The following COL12A1 variants were observed in gnomAD, a reference collection of about 807,000 sequenced individuals.
The protein encoded by COL12A1 is collagen alpha-1(XII) chain.
COL12A1 carries 114 observed loss-of-function variants against 349.7 expected under a neutral mutation model. The observed-to-expected ratio is 0.33, with a 90% CI of 0.28 to 0.38. The LOEUF is 0.38. Among genes scored for constraint, COL12A1 ranks in the 10% least tolerant of loss-of-function variants. The probability of loss-of-function intolerance (pLI) is 1.00; values close to 1 mark genes in which losing one functional copy is unlikely to be tolerated. For missense variants in COL12A1, 3,284 were observed against 3,756.9 expected, an observed-to-expected ratio of 0.87 and a Z score of 3.29; for synonymous variants, 1,369 against 1,329.0, an observed-to-expected ratio of 1.03 and a Z score of -0.66.
chr6:75,114,160 C>G (rs1168070284), intron 49 of COL12A1, among the ~76,000 whole-genome samples: 2 of 151,714 alleles, frequency 1.3e-5, no homozygotes, highest in African/African-American at 4.8e-5. Flanking sequence ...ATGAATCTTA[C>G]TAAATATACT....
At chr6:75,129,792 C>T (rs1766212157) in intron 37 of COL12A1, among the ~76,000 whole-genome samples, 1 of 152,138 alleles carries the variant, frequency 6.6e-6, no homozygotes, top group African/African-American at 2.4e-5. Context: ...TTTCACTAAA[C>T]TTGGTTCCTG....
intron 46 of COL12A1, among the ~76,000 whole-genome samples, chr6:75,118,348 C>A (rs1382412499): frequency 1.3e-5 from 2 of 152,126 alleles, no homozygotes; most frequent in African/African-American, 4.8e-5. Context: ...AAGAATCATG[C>A]ATGTACAGAT....
Position 75,123,418 on chromosome 6 carries a change from A to G in COL12A1, c.6872-14T>C. ...TTGGTTTCACAGCTAAAATTTAAAA[A>G]TAATAATTATAAAAACACACCATGT... On this transcript the variant is annotated splice_polypyrimidine_tract_variant and intron_variant, in intron 42 of 65. Coordinates refer to ENST00000322507, the MANE Select transcript of COL12A1 (RefSeq NM_004370.6). 1 of 1,536,412 alleles carries G rather than the reference A, an allele frequency of 6.5e-7. No individual in the cohort carries two copies. The highest frequency in any genetic ancestry group is 8.8e-7 in the Non-Finnish European group (1 of 1,138,426).
intron 1 of COL12A1, among the ~76,000 whole-genome samples, chr6:75,205,057 C>T (rs1428493514): frequency 6.6e-6 from 1 of 151,862 alleles, no homozygotes; most frequent in African/African-American, 2.4e-5. Context: ...GCTTTCTGAT[C>T]CCCACAAGTC....
At chr6:75,128,190 G>A in intron 38 of COL12A1, 106 bp downstream of exon 38, 1 of 930,646 alleles carries the variant, frequency 1.1e-6, no homozygotes, top group South Asian at 3.0e-5. Flanking sequence ...TGGTATTTGA[G>A]ATGTATTGGT....
Position 75,194,940 on chromosome 6 carries a change from T to C in COL12A1, c.81A>G (p.Pro27=). ...LLSSIEAEVD[P]PSDLNFKIID... is the part of the protein sequence containing the mutation. ...TAATTTTAAAATTCAAGTCTGAAGG[T>C]GGGTCAACTGCAAAAGAGAGAGTTT... The change falls in exon 3 of 66, where the codon CCA becomes CCG. Residue 27 remains proline, a synonymous_variant. Transcript: ENST00000322507. 1.3e-6 allele frequency: 2 copies of C among 1,575,394 alleles called. No individual in the cohort carries two copies. The highest frequency in any genetic ancestry group is 1.7e-6 in the Non-Finnish European group (2 of 1,150,812).
intron 2 of COL12A1, among the ~76,000 whole-genome samples, chr6:75,196,107 C>G (rs537788504): frequency 2.1e-4 from 32 of 152,300 alleles, no homozygotes; most frequent in African/African-American, 7.2e-4. Flanking sequence ...TAATGATATT[C>G]TCTCTACAAT....
At position 75,194,870 on chromosome 6, in the gene COL12A1, G is replaced by T. The variant is rs759069026; in HGVS notation, c.151C>A (p.Pro51Thr). 1 of 1,612,048 alleles carries T rather than the reference G, an allele frequency of 6.2e-7. No homozygotes were observed. The highest frequency in any genetic ancestry group is 1.7e-5 in the Admixed American group (1 of 59,836). The change falls in exon 3 of 66, where the codon CCA (proline) becomes ACA (threonine). Residue 51 changes from proline to threonine, a missense_variant. Coordinates refer to ENST00000322507, the MANE Select transcript of COL12A1 (RefSeq NM_004370.6). ...VHMSWAKPVDPIVGYRITVDP... is the reference protein window; with the variant it reads ...VHMSWAKPVDTIVGYRITVDP... ...ACCGTTATTCTGTAACCCACAATTG[G>T]ATCAACTGGTTTTGCCCATGACATA...
chr6:75,183,645 T>C lies in COL12A1; in HGVS notation c.1296A>G (p.Ser432=), dbSNP rs548958930. 111 of 1,601,350 alleles carry C rather than the reference T, an allele frequency of 6.9e-5. 1 individual carries two copies. Among genetic ancestry groups the C allele is most frequent in the South Asian group, 3.3e-4 (29 of 88,072 alleles). ...TATCGGCTTTTATATCCACACCACG[T>C]GAGCATTCTGTAAAGAGAAAAAAAG... ...TQPMKVQVEC[S]RGVDIKADIV... Residue 432 remains serine (S), a synonymous_variant, in exon 10 of 66, where the codon TCA becomes TCG. Coordinates refer to ENST00000322507, the MANE Select transcript of COL12A1 (RefSeq NM_004370.6).
intron 35 of COL12A1, 150 bp downstream of exon 35, chr6:75,131,790 T>C: frequency 2.3e-6 from 2 of 856,726 alleles, no homozygotes; most frequent in Non-Finnish European, 3.4e-6. Context: ...ACCCTATAAT[T>C]AATACACCTA....
intron 40 of COL12A1, among the ~76,000 whole-genome samples, chr6:75,124,854 A>G (rs990547901): frequency 1.8e-4 from 28 of 152,194 alleles, no homozygotes; most frequent in African/African-American, 6.5e-4. Context: ...TCATTCATGG[A>G]TAAAATGACA....
At position 75,165,576 on chromosome 6, in the gene COL12A1, T is replaced by C. The variant is rs1768252416; in HGVS notation, c.2914A>G (p.Arg972Gly). The change falls in exon 14 of 66, where the codon AGA becomes GGA. Residue 972 changes from arginine to glycine, a missense_variant. By Grantham distance (125) the Arg-to-Gly change is moderately radical. This residue lies in a region of COL12A1 where 2,601 missense variants were observed against 2,824.8 expected (regional missense o/e 0.92). Transcript: ENST00000322507. ...CTGTAAGTGGCAAATACTGAAATTCTGTATTTGGTCTCTGGCTGCAGATTT... is the reference window on the plus strand; with the variant it reads ...CTGTAAGTGGCAAATACTGAAATTCCGTATTTGGTCTCTGGCTGCAGATTT... ...IENLQPETKY[R>G]ISVFATYSSG... 1 of 1,613,974 alleles carries C rather than the reference T, an allele frequency of 6.2e-7. No individual in the cohort carries two copies. The highest frequency in any genetic ancestry group is 8.5e-7 in the Non-Finnish European group (1 of 1,179,872).
chr6:75,093,234 T>A (rs1445003982), intron 60 of COL12A1, among the ~76,000 whole-genome samples: 1 of 152,222 alleles, frequency 6.6e-6, no homozygotes, highest in Non-Finnish European at 1.5e-5. Flanking sequence ...TTGTTTGCTG[T>A]TATATCACCT....
rs747001776 is a variant in COL12A1 at position 75,130,229 on chromosome 6, T to C, written c.6072A>G (p.Pro2024=). The part of the protein sequence containing the change: ...NPSPAQGRTL[P]RSGPRNLRVF... ...CTCTCAGGTTCCTTGGTCCACTGCGTGGTACTAAATAAATAAAATACAATA... is the reference window on the plus strand; with the variant it reads ...CTCTCAGGTTCCTTGGTCCACTGCGCGGTACTAAATAAATAAAATACAATA... Residue 2024 remains proline, a synonymous_variant, in exon 37 of 66, where the codon CCA becomes CCG. Coordinates refer to ENST00000322507, the MANE Select transcript of COL12A1 (RefSeq NM_004370.6). 1.2e-5 allele frequency: 19 copies of C among 1,612,666 alleles called. No individual in the cohort carries two copies. The highest frequency in any genetic ancestry group is 1.7e-5 in the Admixed American group (1 of 59,604).
rs760640025 is a variant in COL12A1, at chr6:75,146,217, A to G, written c.4445T>C (p.Ile1482Thr). The G allele has an allele frequency of 6.8e-6, 11 of 1,610,634 alleles. No individual in the cohort carries two copies. In the Admixed American group the frequency reaches 1.7e-4, roughly 25 times the overall value. ...CATGGTGGTAGGGCCAACATCATAAATATTCAGGCTGACTACAGGCACTGG... is the reference window on the plus strand; with the variant it reads ...CATGGTGGTAGGGCCAACATCATAAGTATTCAGGCTGACTACAGGCACTGG... ...TLPVPVVSLN[I>T]YDVGPTTMHV... is the part of the protein sequence containing the mutation. Residue 1482 changes from isoleucine to threonine, a missense_variant, in exon 24 of 66, where the codon ATT (isoleucine) becomes ACT (threonine). Physicochemically the swap from Ile to Thr is moderately conservative, Grantham distance 89 (BLOSUM62 -1). Coordinates refer to ENST00000322507, the MANE Select transcript of COL12A1 (RefSeq NM_004370.6).
intron 34 of COL12A1, among the ~76,000 whole-genome samples, chr6:75,132,591 AC>A (rs1288463260): frequency 2.0e-5 from 3 of 152,198 alleles, no homozygotes; most frequent in Non-Finnish European, 4.4e-5. Context: ...AATAAGATAT[AC>A]CCAGTTCTTA....
chr6:75,123,897 CATTCT>C (rs1319261451), intron 42 of COL12A1, 46 bp downstream of exon 42: 1 of 1,552,132 alleles, frequency 6.4e-7, no homozygotes, highest in Non-Finnish European at 8.7e-7. Flanking sequence ...TTACCTAGAG[CATTCT>C]ATTCTAAAGC....
In COL12A1 at chr6:75,119,115, C is replaced by A. The variant is rs1233148302; in HGVS notation, c.7282G>T (p.Val2428Leu). Residue 2428 changes from valine to leucine, a missense_variant, in exon 46 of 66, where the codon GTG becomes TTG. Physicochemically the swap from Val to Leu is conservative, Grantham distance 32 (BLOSUM62 1). Around this residue, in one of 2 missense-constraint regions of COL12A1, gnomAD observed 683 missense variants for 932.1 expected, o/e 0.73. Coordinates refer to ENST00000322507, the MANE Select transcript of COL12A1 (RefSeq NM_004370.6). ...CGACCGTCCGTGACCACAACCAACA[C>A]CTTAGGGACATTCTTCCTCATGCCG... Reference protein sequence around the residue: ...ESGMRKNVPKVLVVVTDGRSQ... With the variant: ...ESGMRKNVPKLLVVVTDGRSQ... The A allele has an allele frequency of 6.2e-7, 1 of 1,613,898 alleles. No individual in the cohort carries two copies. Among genetic ancestry groups the A allele is most frequent in the Non-Finnish European group, 8.5e-7 (1 of 1,179,938 alleles).
rs573156761 is a variant in COL12A1 at position 75,106,903 on chromosome 6, T to C, written c.8101-407A>G. Among the ~76,000 whole-genome samples the C allele has an allele frequency of 4.6e-3, 646 of 141,744 alleles. 2 individuals carry two copies. The highest frequency in any genetic ancestry group is 0.015 in the African/African-American group (580 of 38,426). The allele number at this position is 141,744 out of a possible 152,430, so 93.0% of individuals were successfully genotyped here. A position where few individuals can be genotyped will look rare whatever the true frequency, so the allele number is the denominator to read the frequency against. On this transcript the variant is annotated intron_variant, in intron 52 of 65. Coordinates refer to ENST00000322507, the MANE Select transcript of COL12A1 (RefSeq NM_004370.6). ...TTTTTTTTCTTTTTTCTTTTTCTTTTTTTTTTTTTTTTTTTTGAGACAGAG... is the reference window on the plus strand; with the variant it reads ...TTTTTTTTCTTTTTTCTTTTTCTTTCTTTTTTTTTTTTTTTTGAGACAGAG...
Sources: allele counts gnomAD v4.1 joint callset (sites outside exome capture counted in the v4.1 genomes callset), GRCh38; gene constraint gnomAD v4.1.1; regional missense constraint gnomAD v4.1.1; transcripts MANE v1.5; gene names NCBI Gene and HGNC (gene_info 2026-07-23, HGNC 2026-07-21).